Variants in ELMO1 observed in about 807,000 individuals in gnomAD.
The protein encoded by ELMO1 is engulfment and cell motility 1.
ELMO1 carries 26 observed loss-of-function variants against 98.9 expected under a neutral mutation model. The ratio of observed to expected loss-of-function variants is 0.26; its 90% CI spans 0.19 to 0.36. The LOEUF is 0.36. Among genes scored for constraint, ELMO1 ranks in the 10% least tolerant of loss-of-function variants. The pLI is 1.00. For missense variants in ELMO1, 627 were observed against 935.2 expected, an observed-to-expected ratio of 0.67 and a Z score of 4.30; for synonymous variants, 346 against 346.0, an observed-to-expected ratio of 1.00 and a Z score of 0.00.
rs188344799 is a variant in ELMO1, at chr7:37,070,480, C to T, written c.1300+26139G>A. Reference sequence around the variant, plus strand: ...AAATATTGCACCCTTTCTTGATTTCCGTTGGAATTTGTGAACTGTGTGTGT... The same window carrying T: ...AAATATTGCACCCTTTCTTGATTTCTGTTGGAATTTGTGAACTGTGTGTGT... On this transcript the variant is annotated intron_variant, in intron 15 of 21. Transcript: ENST00000310758. Among the ~76,000 whole-genome samples, 33 of 152,164 alleles carry T rather than the reference C, an allele frequency of 2.2e-4. No homozygotes were observed. In the East Asian group the frequency reaches 5.6e-3, roughly 26 times the overall value.
intron 1 of ELMO1, among the ~76,000 whole-genome samples, chr7:37,381,488 A>G (rs563387889): frequency 6.6e-6 from 1 of 152,244 alleles, no homozygotes; most frequent in Non-Finnish European, 1.5e-5. Flanking sequence ...ACTAATGAAG[A>G]GTGAAACCAC....
At chr7:37,031,182 A>C (rs1794860975) in intron 15 of ELMO1, among the ~76,000 whole-genome samples, 1 of 152,078 alleles carries the variant, frequency 6.6e-6, no homozygotes, top group Non-Finnish European at 1.5e-5. Context: ...CATTTCCCTC[A>C]CTGTCTTCCA....
chr7:37,338,123 T>C (rs1052432781), intron 2 of ELMO1, among the ~76,000 whole-genome samples: 1 of 152,214 alleles, frequency 6.6e-6, no homozygotes, highest in Non-Finnish European at 1.5e-5. Flanking sequence ...TGGCTGCTTT[T>C]ATTGAGGAAT....
chr7:37,110,558 T>A (rs1339055488), intron 14 of ELMO1, among the ~76,000 whole-genome samples: 4 of 152,158 alleles, frequency 2.6e-5, no homozygotes, highest in Non-Finnish European at 5.9e-5. Flanking sequence ...TGCACATGTA[T>A]CCCAGAACTT....
At chr7:36,917,193 G>T (rs1314591633) in intron 16 of ELMO1, among the ~76,000 whole-genome samples, 1 of 152,188 alleles carries the variant, frequency 6.6e-6, no homozygotes, top group Non-Finnish European at 1.5e-5. Context: ...CTAGGTAGTA[G>T]TGTGACCTTG....
At position 37,281,409 on chromosome 7, in the gene ELMO1, C is replaced by T. The variant is rs556593999; in HGVS notation, c.193-9527G>A. On this transcript the variant is annotated intron_variant, in intron 4 of 21. Coordinates refer to ENST00000310758, the MANE Select transcript of ELMO1 (RefSeq NM_014800.11). ...ATAAAGTGTGTGAGGAAGAAAAAAA[C>T]AATGAGGCAATACCCCCCACAAACA... Among the ~76,000 whole-genome samples the T allele has an allele frequency of 5.5e-4, 83 of 152,190 alleles. 1 individual carries two copies. In the South Asian group the frequency reaches 0.016, roughly 30 times the overall value.
chr7:36,956,003 T>C (rs1400842337), intron 16 of ELMO1, among the ~76,000 whole-genome samples: 3 of 152,216 alleles, frequency 2.0e-5, no homozygotes, highest in Admixed American at 6.5e-5. Context: ...CTCGATGCTT[T>C]AGAAGATCCC....
At position 37,055,893 on chromosome 7, in the gene ELMO1, C is replaced by G. The variant is rs1218625105; in HGVS notation, c.1300+40726G>C. On this transcript the variant is annotated intron_variant, in intron 15 of 21. Coordinates refer to ENST00000310758, the MANE Select transcript of ELMO1 (RefSeq NM_014800.11). ...GAGATTGTCCTATCTGTAGTCTCGG[C>G]TGTAAGGGCAGCCCTAAATTTTCAT... Among the ~76,000 whole-genome samples the G allele has an allele frequency of 2.6e-5, 4 of 152,156 alleles. No homozygotes were observed. The East Asian group carries it at 7.7e-4, about 29-fold the overall frequency.
chr7:37,378,256 C>T (rs1213162805), intron 1 of ELMO1, among the ~76,000 whole-genome samples: 2 of 152,166 alleles, frequency 1.3e-5, no homozygotes, highest in African/African-American at 4.8e-5. Flanking sequence ...GCTGTAGCCT[C>T]AGAAGGCCAG....
At chr7:37,379,958 C>G (rs1802517716) in intron 1 of ELMO1, among the ~76,000 whole-genome samples, 1 of 152,182 alleles carries the variant, frequency 6.6e-6, no homozygotes. Context: ...CGTTTTAATT[C>G]TAAAACTATG....
intron 17 of ELMO1, among the ~76,000 whole-genome samples, chr7:36,892,277 G>A (rs79946182): frequency 0.027 from 4,081 of 152,258 alleles, 186 homozygotes; most frequent in African/African-American, 0.092. Flanking sequence ...CCCCAGCCAA[G>A]TTGCTGTCCC....
chr7:37,245,180 GA>G (rs1442915764), intron 6 of ELMO1, among the ~76,000 whole-genome samples: 1 of 152,074 alleles, frequency 6.6e-6, no homozygotes, highest in Non-Finnish European at 1.5e-5. Flanking sequence ...GGTCCTCTAG[GA>G]AGTCTCTCTG....
At chr7:37,344,690 A>T (rs1286127142) in intron 1 of ELMO1, among the ~76,000 whole-genome samples, 1 of 152,374 alleles carries the variant, frequency 6.6e-6, no homozygotes, top group East Asian at 1.9e-4. Flanking sequence ...ATTTACACCC[A>T]GCCTCACCAA....
intron 1 of ELMO1, among the ~76,000 whole-genome samples, chr7:37,435,599 G>A (rs1805111255): frequency 1.3e-5 from 2 of 152,186 alleles, no homozygotes; most frequent in Non-Finnish European, 2.9e-5. Flanking sequence ...ACAACTTCTT[G>A]TATTTTCAGA....
chr7:37,331,866 G>A (rs1383739441), intron 2 of ELMO1, among the ~76,000 whole-genome samples: 3 of 151,678 alleles, frequency 2.0e-5, no homozygotes, highest in Non-Finnish European at 2.9e-5. Context: ...AAAGGAAAAC[G>A]TGAAGAAAAG....
At chr7:37,069,235 C>T (rs1797143761) in intron 15 of ELMO1, among the ~76,000 whole-genome samples, 1 of 152,092 alleles carries the variant, frequency 6.6e-6, no homozygotes, top group East Asian at 1.9e-4. Flanking sequence ...TAACTAGAGA[C>T]AAAAGGAATA....
intron 16 of ELMO1, among the ~76,000 whole-genome samples, chr7:36,992,003 G>A (rs1791910386): frequency 6.6e-6 from 1 of 152,206 alleles, no homozygotes; most frequent in African/African-American, 2.4e-5. Flanking sequence ...CAAGCAGCTG[G>A]AGCAGGTGGG....
At chr7:36,861,245 C>T (rs934193658) in intron 21 of ELMO1, among the ~76,000 whole-genome samples, 3 of 152,280 alleles carry the variant, frequency 2.0e-5, no homozygotes, top group Middle Eastern at 3.4e-3. Context: ...CAGCCCTAAA[C>T]CTCTTAAAAT....
At chr7:37,430,526 C>A in intron 1 of ELMO1, among the ~76,000 whole-genome samples, 1 of 152,230 alleles carries the variant, frequency 6.6e-6, no homozygotes, top group South Asian at 2.1e-4. Flanking sequence ...AATCAAACTG[C>A]GATACTGGAA....
Sources: allele counts gnomAD v4.1 joint callset (sites outside exome capture counted in the v4.1 genomes callset), GRCh38; gene constraint gnomAD v4.1.1; transcripts MANE v1.5; gene names NCBI Gene and HGNC (gene_info 2026-07-23, HGNC 2026-07-21).